SUZ12: variants seen among roughly 807,000 people sequenced by gnomAD.
SUZ12 encodes SUZ12 polycomb repressive complex 2 subunit.
SUZ12 carries 17 observed loss-of-function variants against 87.3 expected under a neutral mutation model. That is an observed-to-expected ratio of 0.19 (90% CI 0.13 to 0.29). The LOEUF (loss-of-function observed/expected upper bound fraction) is 0.29. Among genes scored for constraint, SUZ12 ranks in the 10% least tolerant of loss-of-function variants. The pLI is 1.00. For missense variants in SUZ12, 526 were observed against 912.2 expected (o/e 0.58, Z 5.45); for synonymous variants, 253 against 312.4 (o/e 0.81, Z 2.01).
At chr17:31,970,092 T>C (rs118042988) in intron 5 of SUZ12, among the ~76,000 whole-genome samples, 1,723 of 152,274 alleles carry the variant, frequency 0.011, 47 homozygotes, top group Admixed American at 0.063. Flanking sequence ...CTCTTGTTTT[T>C]AAATGAAAAC....
intron 4 of SUZ12, among the ~76,000 whole-genome samples, chr17:31,947,974 TAACTC>T (rs1252931551): frequency 4.6e-5 from 7 of 152,136 alleles, no homozygotes; most frequent in Non-Finnish European, 7.4e-5. Context: ...CCGTTGGTCT[TAACTC>T]TACCACCTCA....
intron 10 of SUZ12, among the ~76,000 whole-genome samples, chr17:31,991,136 G>A (rs1909700865): frequency 6.6e-6 from 1 of 152,188 alleles, no homozygotes; most frequent in Non-Finnish European, 1.5e-5. Flanking sequence ...GTTTAAAGAA[G>A]GCAGAAGGCG....
intron 10 of SUZ12, among the ~76,000 whole-genome samples, chr17:31,990,121 ATTTTTTTTTTT>A (rs59793925): frequency 4.0e-5 from 4 of 99,862 alleles, no homozygotes; most frequent in Admixed American, 2.2e-4. Context: ...TGCCCGGCTA[ATTTTTTTTTTT>A]TTTTTTTTTT....
At chr17:31,980,320 CAT>C (rs1909021419) in intron 8 of SUZ12, among the ~76,000 whole-genome samples, 1 of 150,172 alleles carries the variant, frequency 6.7e-6, no homozygotes, top group South Asian at 2.1e-4. Context: ...CAAATTGTCT[CAT>C]ATTTTGTCAG....
chr17:31,997,017 C>A, intron 15 of SUZ12, 140 bp downstream of exon 15: 1 of 601,800 alleles, frequency 1.7e-6, no homozygotes, highest in Non-Finnish European at 2.5e-6. Context: ...TTATTCTATT[C>A]CAATGTTTTT....
intron 4 of SUZ12, among the ~76,000 whole-genome samples, chr17:31,949,176 G>A (rs1906801492): frequency 6.6e-6 from 1 of 151,996 alleles, no homozygotes; most frequent in African/African-American, 2.4e-5. Context: ...TTGTGACATT[G>A]GGTTTGAAAT....
At chr17:31,951,734 C>G (rs1188337747) in intron 4 of SUZ12, among the ~76,000 whole-genome samples, 1 of 150,280 alleles carries the variant, frequency 6.7e-6, no homozygotes, top group Non-Finnish European at 1.5e-5. Flanking sequence ...CCTTGGCCTC[C>G]CAAAGTGCTG....
intron 8 of SUZ12, among the ~76,000 whole-genome samples, chr17:31,979,875 A>G (rs955616386): frequency 4.6e-5 from 7 of 152,282 alleles, no homozygotes; most frequent in African/African-American, 1.7e-4. Flanking sequence ...TGAATAAATT[A>G]TTCCTTTGGC....
At chr17:31,958,885 G>A (rs2142148124) in intron 4 of SUZ12, among the ~76,000 whole-genome samples, 1 of 152,228 alleles carries the variant, frequency 6.6e-6, no homozygotes, top group South Asian at 2.1e-4. Flanking sequence ...GGGCATGGTG[G>A]CGTGCACCTG....
intron 4 of SUZ12, among the ~76,000 whole-genome samples, chr17:31,955,824 C>G (rs1317951959): frequency 1.3e-5 from 2 of 152,046 alleles, no homozygotes; most frequent in African/African-American, 4.8e-5. Context: ...TCTAACAGTC[C>G]TCCTGTCTCA....
At chr17:31,964,157 G>C (rs1255674391) in intron 4 of SUZ12, among the ~76,000 whole-genome samples, 2 of 151,594 alleles carry the variant, frequency 1.3e-5, no homozygotes, top group Non-Finnish European at 2.9e-5. Context: ...CTCCCGAGTA[G>C]CTGGGACTAC....
At chr17:31,944,017 A>C in intron 3 of SUZ12, among the ~76,000 whole-genome samples, 1 of 151,948 alleles carries the variant, frequency 6.6e-6, no homozygotes, top group African/African-American at 2.4e-5. Flanking sequence ...TTTAATATAG[A>C]AGGTCAGTTG....
intron 5 of SUZ12, among the ~76,000 whole-genome samples, chr17:31,968,436 T>C (rs1908222266): frequency 6.6e-6 from 1 of 152,060 alleles, no homozygotes; most frequent in Non-Finnish European, 1.5e-5. Context: ...CTCACTACAT[T>C]TCCCAGGCTG....
rs2142194306 is a variant in SUZ12, at chr17:31,983,001, G to A, written c.920G>A (p.Arg307His). The change falls in exon 9 of 16, where the codon CGC becomes CAC. Residue 307 changes from arginine (R) to histidine (H), a missense_variant and splice_region_variant. Around this residue, in one of 9 missense-constraint regions of SUZ12, gnomAD observed 73 missense variants for 133.8 expected, o/e 0.55. Transcript: ENST00000322652. ...AQMTVFDKNR[R>H]LQLLDGEYEV... ...AAGTATATGTGTTTGTCTAACAGGC[G>A]CTTACAGCTTTTAGATGGGGAATAT... is the stretch of plus-strand genomic sequence containing the variant. The A allele has an allele frequency of 6.2e-6, 10 of 1,612,034 alleles. No homozygotes were observed. The highest frequency in any genetic ancestry group is 7.6e-6 in the Non-Finnish European group (9 of 1,178,984).
In SUZ12 at chr17:31,998,984, G is replaced by C. The variant is rs1450031319; in HGVS notation, c.2201G>C (p.Ser734Thr). The stretch of plus-strand genomic sequence containing the variant: ...AGTGTCTCAGGGGTTTCAAAACAGA[G>C]CAAAAAACAAAAACTCTGAAAAGCT... ...TDSVSGVSKQ[S>T]KKQKL is the part of the protein sequence containing the mutation. Residue 734 changes from serine (S) to threonine (T), a missense_variant, in exon 16 of 16, where the codon AGC (serine) becomes ACC (threonine). Coordinates refer to ENST00000322652, the MANE Select transcript of SUZ12 (RefSeq NM_015355.4). The C allele has an allele frequency of 2.6e-6, 4 of 1,547,490 alleles. No individual in the cohort carries two copies. The highest frequency in any genetic ancestry group is 2.5e-5 in the South Asian group (2 of 80,462).
At chr17:31,979,956 G>A (rs1467847848) in intron 8 of SUZ12, among the ~76,000 whole-genome samples, 2 of 151,366 alleles carry the variant, frequency 1.3e-5, no homozygotes, top group Non-Finnish European at 2.9e-5. Flanking sequence ...AAGAGCATTC[G>A]TTCTCTGCTC....
chr17:31,994,742 A>G (rs754417460), intron 13 of SUZ12, 21 bp downstream of exon 13: 32 of 1,607,050 alleles, frequency 2.0e-5, no homozygotes, highest in Non-Finnish European at 2.6e-5. Flanking sequence ...AGGGCATATA[A>G]GAAAAGTTTA....
intron 9 of SUZ12, among the ~76,000 whole-genome samples, chr17:31,984,750 G>T (rs1909312739): frequency 6.6e-6 from 1 of 152,212 alleles, no homozygotes; most frequent in African/African-American, 2.4e-5. Flanking sequence ...GTACTCAAAG[G>T]CATGCAAATG....
chr17:31,993,731 A>G lies in SUZ12; in HGVS notation c.1294-134A>G. The G allele has an allele frequency of 6.1e-6, 6 of 977,090 alleles. No individual in the cohort carries two copies. The South Asian group carries it at 1.1e-4, about 17-fold the overall frequency. The allele number at this position is 977,090 out of a possible 1,614,324, so 60.5% of individuals were successfully genotyped here. On this transcript the variant is annotated intron_variant, in intron 11 of 15. Coordinates refer to ENST00000322652, the MANE Select transcript of SUZ12 (RefSeq NM_015355.4). ...TGAGTGACCTCGCGTCACTGGGCAT[A>G]TTTAATTAAAGAGAATATCTCTAAT...
Sources: gnomAD v4.1 joint callset for allele counts (sites outside exome capture counted in the v4.1 genomes callset) on GRCh38, gnomAD v4.1.1 for gene constraint, gnomAD v4.1.1 regional missense constraint, MANE v1.5 for transcripts, NCBI Gene and HGNC (gene_info 2026-07-23, HGNC 2026-07-21) for gene names.